Variants in GBA2 observed in about 807,000 individuals in gnomAD.
GBA2 encodes the protein glucosylceramidase beta 2.
A neutral mutation model predicts 112.9 loss-of-function variants in GBA2; 79 were observed. The observed-to-expected ratio is 0.70, with a 90% CI of 0.58 to 0.84. GBA2 has a LOEUF of 0.84. Ranked by LOEUF, GBA2 falls within the 40% of genes least tolerant of loss-of-function variation. The pLI, the probability that GBA2 is intolerant of heterozygous loss-of-function variation, is 0.00. For synonymous variants in GBA2, 403 were observed against 434.3 expected (o/e 0.93, Z 0.90); for missense variants, 1,043 against 1,190.0 (o/e 0.88, Z 1.82).
intron 2 of GBA2, 101 bp from the exon 3 acceptor site, chr9:35,744,513 A>G: frequency 9.6e-7 from 1 of 1,042,532 alleles, no homozygotes; most frequent in Non-Finnish European, 1.5e-6. Context: ...AACCTAGGGG[A>G]TGGAACAGTG....
chr9:35,737,786 C>G lies in GBA2; in HGVS notation c.2467G>C (p.Gly823Arg). ...SSVQSDEVWV[G>R]VVYGLAATMI... The stretch of plus-strand genomic sequence containing the variant: ...GTAGCTGCCAGCCCGTAGACCACAC[C>G]CACCCAGACTTCATCAGACTGCACA... The change falls in exon 16 of 17, where the codon GGT becomes CGT. Residue 823 changes from glycine to arginine, a missense_variant. By Grantham distance (125) the Gly-to-Arg change is moderately radical (BLOSUM62 -2). Coordinates refer to ENST00000378103, the MANE Select transcript of GBA2 (RefSeq NM_020944.3). This position sits in a 1 kb window ranked among gnomAD's most constrained non-coding sequence, Gnocchi z 4.1. The G allele has an allele frequency of 6.2e-7, 1 of 1,613,826 alleles. No individual in the cohort carries two copies. The highest frequency in any genetic ancestry group is 1.1e-5 in the South Asian group (1 of 91,066).
chr9:35,748,288 A>C, intron 1 of GBA2, 58 bp downstream of exon 1: 1 of 1,054,418 alleles, frequency 9.5e-7, no homozygotes, highest in Non-Finnish European at 1.4e-6. Context: ...CTCTGCTAGA[A>C]GTTTTGAGCT....
Position 35,738,127 on chromosome 9 carries a change from G to A in GBA2, c.2223C>T (p.Ser741=), listed in dbSNP as rs755506697. The A allele has an allele frequency of 6.2e-7, 1 of 1,614,048 alleles. No individual in the cohort carries two copies. The highest frequency in any genetic ancestry group is 2.2e-5 in the East Asian group (1 of 44,892). The change falls in exon 15 of 17, where the codon AGC becomes AGT. Residue 741 remains serine, a synonymous_variant. Coordinates refer to ENST00000378103, the MANE Select transcript of GBA2 (RefSeq NM_020944.3). ...WNGRYYNYDS[S]SRPQSRSVMS... is the part of the protein sequence containing the mutation. The stretch of plus-strand genomic sequence containing the variant: ...TAACACTACGAGACTGAGGCCGAGA[G>A]CTGCTGTCATAGTTGTAATAGCGGC...
Position 35,741,267 on chromosome 9 carries a change from C to G in GBA2, c.787-203G>C. The G allele has an allele frequency of 1.7e-6, 1 of 595,102 alleles. No homozygotes were observed. The highest frequency in any genetic ancestry group is 2.9e-6 in the Non-Finnish European group (1 of 340,376). The allele number at this position is 595,102 out of a possible 1,614,324, so 36.9% of individuals were successfully genotyped here. A position where few individuals can be genotyped will look rare whatever the true frequency, so the allele number is the denominator to read the frequency against. On this transcript the variant is annotated intron_variant, in intron 4 of 16. Transcript: ENST00000378103. This position sits in a 1 kb window ranked among gnomAD's most constrained non-coding sequence, Gnocchi z 4.6. ...GACCAGAACCAGTTGGGCGGTGGTT[C>G]TGGGAAGCCAGTGTGATGTTCATGG...
rs1370516729 is a variant in GBA2 at position 35,748,397 on chromosome 9, G to C, written c.308C>G (p.Ala103Gly). The stretch of plus-strand genomic sequence containing the variant: ...CATGTTGCTTAGGGAGACGTTGTTA[G>C]CTTGAAAGGGTTTCCTCTTCTCTGT... ...EFTEKRKPFQ[A>G]NNVSLSNMIK... Residue 103 changes from alanine to glycine, a missense_variant, in exon 1 of 17, where the codon GCT becomes GGT. Physicochemically the swap from Ala to Gly is moderately conservative, Grantham distance 60. Coordinates refer to ENST00000378103, the MANE Select transcript of GBA2 (RefSeq NM_020944.3). 4 of 1,614,126 alleles carry C rather than the reference G, an allele frequency of 2.5e-6. No individual in the cohort carries two copies.
chr9:35,744,463 A>G, intron 2 of GBA2, 51 bp from the exon 3 acceptor site: 1 of 1,184,598 alleles, frequency 8.4e-7, no homozygotes, highest in African/African-American at 1.5e-5. Flanking sequence ...AAATAAGCCC[A>G]TTTCTAACTT....
At position 35,737,558 on chromosome 9, in the gene GBA2, G is replaced by A; in HGVS notation, c.2506-111C>T. The stretch of plus-strand genomic sequence containing the variant: ...TTTGCCTTCAAGGAGCTCCCAGCAA[G>A]TGGAGGAGATAACTATGACCCACAG... On this transcript the variant is annotated intron_variant, in intron 16 of 16. Coordinates refer to ENST00000378103, the MANE Select transcript of GBA2 (RefSeq NM_020944.3). The surrounding 1 kb of genome is among the most constrained non-coding windows in gnomAD (Gnocchi z 4.1). The A allele has an allele frequency of 6.4e-7, 1 of 1,556,046 alleles. No individual in the cohort carries two copies.
At position 35,737,413 on chromosome 9, in the gene GBA2, C is replaced by T. The variant is rs138519801; in HGVS notation, c.2540G>A (p.Gly847Asp). Reference protein sequence around the residue: ...LTWEGFQTAEGCYRTVWERLG... With the variant: ...LTWEGFQTAEDCYRTVWERLG... ...GCGCTCCCACACGGTACGGTAGCAG[C>T]CTTCAGCTGTCTGGAAGCCCTCCCA... The change falls in exon 17 of 17, where the codon GGC (glycine) becomes GAC (aspartate). Residue 847 changes from glycine to aspartate, a missense_variant. By Grantham distance (94) the Gly-to-Asp change is moderately conservative. Coordinates refer to ENST00000378103, the MANE Select transcript of GBA2 (RefSeq NM_020944.3). This position sits in a 1 kb window ranked among gnomAD's most constrained non-coding sequence, Gnocchi z 4.1. The T allele has an allele frequency of 1.2e-6, 2 of 1,614,002 alleles. No individual in the cohort carries two copies. The highest frequency in any genetic ancestry group is 1.7e-6 in the Non-Finnish European group (2 of 1,179,990).
Position 35,737,107 on chromosome 9 carries a change from A to C in GBA2, c.*62T>G. On this transcript the variant is annotated 3_prime_UTR_variant, in exon 17 of 17. Transcript: ENST00000378103. This position sits in a 1 kb window ranked among gnomAD's most constrained non-coding sequence, Gnocchi z 4.1. ...CAGGGTTGCAGGAGGTTCAGAGGGG[A>C]AGGAGGAAAGGCCAGGCTGGAGGCT... The C allele has an allele frequency of 1.3e-6, 2 of 1,556,504 alleles. 1 individual carries two copies. Among genetic ancestry groups the C allele is most frequent in the South Asian group, 2.4e-5 (2 of 83,404 alleles).
chr9:35,740,414 T>C lies in GBA2; in HGVS notation c.1130-52A>G. 1.2e-6 allele frequency: 2 copies of C among 1,600,322 alleles called. No homozygotes were observed. Among genetic ancestry groups the C allele is most frequent in the Middle Eastern group, 1.7e-4 (1 of 6,036 alleles). On this transcript the variant is annotated intron_variant, in intron 6 of 16. Transcript: ENST00000378103. This position sits in a 1 kb window ranked among gnomAD's most constrained non-coding sequence, Gnocchi z 4.7. The stretch of plus-strand genomic sequence containing the variant: ...ACAGGAGCCCCTTCAGCCCCAGGGA[T>C]AGGGATCCCTAACATGGAAACAAGG...
In GBA2 at chr9:35,740,368, A is replaced by G; in HGVS notation, c.1130-6T>C. 1 of 1,612,102 alleles carries G rather than the reference A, an allele frequency of 6.2e-7. No individual in the cohort carries two copies. ...CTGCGTAGGGGTGCTTTGGCCTGAG[A>G]GAAACACAAGAGAATTCAGGACAGG... is the stretch of plus-strand genomic sequence containing the variant. On this transcript the variant is annotated splice_region_variant and splice_polypyrimidine_tract_variant and intron_variant, in intron 6 of 16. Transcript: ENST00000378103. The surrounding 1 kb of genome is among the most constrained non-coding windows in gnomAD (Gnocchi z 4.7).
chr9:35,741,364 G>A lies in GBA2; in HGVS notation c.787-300C>T, dbSNP rs188205376. On this transcript the variant is annotated intron_variant, in intron 4 of 16. Transcript: ENST00000378103. The surrounding 1 kb of genome is among the most constrained non-coding windows in gnomAD (Gnocchi z 4.6). ...TTGGGGGGTGCGGTGGCGCAATCTCGGCTCACTGCAAGCTCCGCCTCCCGG... is the reference window on the plus strand; with the variant it reads ...TTGGGGGGTGCGGTGGCGCAATCTCAGCTCACTGCAAGCTCCGCCTCCCGG... 279 of 501,862 alleles carry A rather than the reference G, an allele frequency of 5.6e-4. No homozygotes were observed. The highest frequency in any genetic ancestry group is 3.3e-3 in the African/African-American group (170 of 51,508). The allele number at this position is 501,862 out of a possible 1,614,324, so 31.1% of individuals were successfully genotyped here. A position where few individuals can be genotyped will look rare whatever the true frequency, so the allele number is the denominator to read the frequency against.
chr9:35,747,333 T>C (rs1171349339), intron 1 of GBA2, among the ~76,000 whole-genome samples: 2 of 152,116 alleles, frequency 1.3e-5, no homozygotes, highest in Non-Finnish European at 2.9e-5. Flanking sequence ...ATGCAAAAAC[T>C]TTTGGGGTCA....
chr9:35,739,817 AG>A lies in GBA2; in HGVS notation c.1410-18del. On this transcript the variant is annotated intron_variant, in intron 8 of 16. Coordinates refer to ENST00000378103, the MANE Select transcript of GBA2 (RefSeq NM_020944.3). ...GGCAGTGATCTGGGAAGCGAGGAGGAGGAAATGGTTTAAGGAACATGTACCT... is the reference window on the plus strand; with the variant it reads ...GGCAGTGATCTGGGAAGCGAGGAGGAGAAATGGTTTAAGGAACATGTACCT... 1 of 1,612,616 alleles carries A rather than the reference AG, an allele frequency of 6.2e-7. No individual in the cohort carries two copies. Among genetic ancestry groups the A allele is most frequent in the Non-Finnish European group, 8.5e-7 (1 of 1,178,750 alleles).
intron 1 of GBA2, among the ~76,000 whole-genome samples, chr9:35,745,764 C>A (rs1328707822): frequency 2.0e-5 from 3 of 152,170 alleles, no homozygotes; most frequent in Non-Finnish European, 4.4e-5. Context: ...CCTACAAATT[C>A]TCATTCCAGA....
chr9:35,740,893 G>A lies in GBA2; in HGVS notation c.958C>T (p.Arg320Trp), dbSNP rs774957816. Residue 320 changes from arginine to tryptophan, a missense_variant, in exon 5 of 17, where the codon CGG (arginine) becomes TGG (tryptophan). Physicochemically the swap from Arg to Trp is moderately radical, Grantham distance 101. Transcript: ENST00000378103. The surrounding 1 kb of genome is among the most constrained non-coding windows in gnomAD (Gnocchi z 4.7). ...FCLERSGETV[R>W]GLLLHHPTLP... The stretch of plus-strand genomic sequence containing the variant: ...GTTGGATGATGCAGGAGCAGCCCCC[G>A]GACAGTTTCCCCGCTACGCTCCAGA... The A allele has an allele frequency of 5.6e-6, 9 of 1,613,908 alleles. No individual in the cohort carries two copies. In the East Asian group the frequency reaches 8.9e-5, roughly 16 times the overall value.
chr9:35,746,608 A>T lies in GBA2; in HGVS notation c.359+1738T>A, dbSNP rs936007983. On this transcript the variant is annotated intron_variant, in intron 1 of 16. Transcript: ENST00000378103. The surrounding 1 kb of genome is among the most constrained non-coding windows in gnomAD (Gnocchi z 5.2). ...CTGTCTCAAAAAAAAAATAATAATA[A>T]AATAAAAAGGGACAGCACATTCTAG... is the stretch of plus-strand genomic sequence containing the variant. Among the ~76,000 whole-genome samples, 1 of 152,096 alleles carries T rather than the reference A, an allele frequency of 6.6e-6. No individual in the cohort carries two copies. The highest frequency in any genetic ancestry group is 2.4e-5 in the African/African-American group (1 of 41,410).
Position 35,741,807 on chromosome 9 carries a change from C to T in GBA2, c.651G>A (p.Trp217Ter), listed in dbSNP as rs1354082523. 6.2e-7 allele frequency: 1 copy of T among 1,613,706 alleles called. No individual in the cohort carries two copies. Among genetic ancestry groups the T allele is most frequent in the Non-Finnish European group, 8.5e-7 (1 of 1,179,614 alleles). The stretch of plus-strand genomic sequence containing the variant: ...CAAAGTACCCACACAGGCCCCAGTT[C>T]CAGCTGCGGAGGACACTTGGGCGCT... ...SLERPSVLRS[W>*]NWGLCGYFAF... Residue 217 changes from tryptophan to a stop codon, truncating the protein, a stop_gained, in exon 4 of 17, where the codon TGG becomes TGA. Transcript: ENST00000378103. LOFTEE classifies it high-confidence loss of function. The surrounding 1 kb of genome is among the most constrained non-coding windows in gnomAD (Gnocchi z 4.6).
In GBA2 at chr9:35,749,091, C is replaced by G. The variant is rs1406954521; in HGVS notation, c.-387G>C. 4.5e-6 allele frequency: 1 copy of G among 224,514 alleles called. No individual in the cohort carries two copies. The highest frequency in any genetic ancestry group is 8.8e-6 in the Non-Finnish European group (1 of 113,310). 13.9% of individuals were successfully genotyped at this position (224,514 alleles called of 1,614,324 possible). Reference sequence around the variant, plus strand: ...ACCGCCCCCGGGACCTCGGCCCGGCCCCTGGGCCACGGCACCGGGTCCCCC... The same window carrying G: ...ACCGCCCCCGGGACCTCGGCCCGGCGCCTGGGCCACGGCACCGGGTCCCCC... On this transcript the variant is annotated 5_prime_UTR_variant, in exon 1 of 17. Coordinates refer to ENST00000378103, the MANE Select transcript of GBA2 (RefSeq NM_020944.3). This position sits in a 1 kb window ranked among gnomAD's most constrained non-coding sequence, Gnocchi z 4.4.
Sources: allele counts gnomAD v4.1 joint callset (sites outside exome capture counted in the v4.1 genomes callset), GRCh38; gene constraint gnomAD v4.1.1; non-coding constraint Gnocchi (gnomAD v3.1); transcripts MANE v1.5; gene names NCBI Gene and HGNC (gene_info 2026-07-23, HGNC 2026-07-21).